The following GLB1 variants were observed in gnomAD, a reference collection of about 807,000 sequenced individuals.
GLB1 encodes the protein beta-galactosidase.
In GLB1, 56 loss-of-function variants were observed where a neutral mutation model predicts 74.0. The ratio of observed to expected loss-of-function variants is 0.76; its 90% CI spans 0.61 to 0.94. GLB1 has a LOEUF of 0.94. Among genes scored for constraint, GLB1 ranks in the 40% least tolerant of loss-of-function variants. GLB1 has a pLI of 0.00. For synonymous variants in GLB1, 323 were observed against 323.6 expected, an observed-to-expected ratio of 1.00 and a Z score of 0.02; for missense variants, 787 against 845.5, an observed-to-expected ratio of 0.93 and a Z score of 0.86.
intron 1 of GLB1, among the ~76,000 whole-genome samples, chr3:33,074,365 G>GAAAGAAAGAAAGAAAGAAAGA (rs1559412830): frequency 1.3e-3 from 13 of 10,058 alleles, no homozygotes; most frequent in African/African-American, 3.2e-3. Flanking sequence ...AGGAAGGAAG[G>GAAAGAAAGAAAGAAAGAAAGA]AAGGAAGGAA....
In GLB1 at chr3:33,014,213, C is replaced by A. The variant is rs147332381; in HGVS notation, c.1577G>T (p.Gly526Val). 8 of 1,613,984 alleles carry A rather than the reference C, an allele frequency of 5.0e-6. No individual in the cohort carries two copies. Among genetic ancestry groups the A allele is most frequent in the Admixed American group, 3.3e-5 (2 of 60,016 alleles). Residue 526 changes from glycine to valine, a missense_variant, in exon 15 of 16, where the codon GGC (glycine) becomes GTC (valine). Transcript: ENST00000307363. ...GTGGCCACTGTCACGGTGTCCCCAGCCCCCCAGGTGGCTGCACACTGCATC... is the reference window on the plus strand; with the variant it reads ...GTGGCCACTGTCACGGTGTCCCCAGACCCCCAGGTGGCTGCACACTGCATC... ...TEDAVCSHLG[G>V]WGHRDSGHHD...
Position 33,002,946 on chromosome 3 carries a change from G to C in GLB1, c.1735-5602C>G, listed in dbSNP as rs79181883. ...CCTGGGAGAAAGAGAAGAAAAAGAG[G>C]AGAATTGAAAAGAAAAAAAGGTAAA... On this transcript the variant is annotated intron_variant, in intron 15 of 15. Transcript: ENST00000307363. 1.2e-4 allele frequency among the ~76,000 whole-genome samples: 18 copies of C among 152,172 alleles called. No homozygotes were observed. In the East Asian group the frequency reaches 2.9e-3, roughly 24 times the overall value.
chr3:33,087,954 A>G (rs1700592885), intron 1 of GLB1, among the ~76,000 whole-genome samples: 1 of 152,228 alleles, frequency 6.6e-6, no homozygotes, highest in Non-Finnish European at 1.5e-5. Flanking sequence ...ATGGTTTAAC[A>G]TATAAAAATC....
chr3:33,089,635 T>C (rs1189586838), intron 1 of GLB1, among the ~76,000 whole-genome samples: 5 of 152,008 alleles, frequency 3.3e-5, no homozygotes, highest in Admixed American at 1.3e-4. Flanking sequence ...TTATACTAAC[T>C]GAAATAAGCC....
the GLB1 span, among the ~76,000 whole-genome samples, chr3:32,970,376 G>A: frequency 1.4e-4 from 22 of 152,056 alleles, no homozygotes; most frequent in Admixed American, 7.2e-4. Context: ...TTGTTCAGCC[G>A]GCCACCCCCC....
intron 1 of GLB1, among the ~76,000 whole-genome samples, chr3:33,089,620 G>A (rs932470231): frequency 1.5e-4 from 23 of 152,052 alleles, no homozygotes; most frequent in Non-Finnish European, 2.8e-4. Flanking sequence ...ACAACCTTAA[G>A]GTCATTATAC....
At chr3:33,024,650 A>T (rs535734635) in intron 10 of GLB1, among the ~76,000 whole-genome samples, 1 of 152,366 alleles carries the variant, frequency 6.6e-6, no homozygotes, top group Non-Finnish European at 1.5e-5. Flanking sequence ...GGAAACAGGT[A>T]CGTGACAGAC....
intron 1 of GLB1, chr3:33,077,314 T>A: frequency 6.4e-7 from 1 of 1,565,142 alleles, no homozygotes; most frequent in East Asian, 2.3e-5. Flanking sequence ...TTAAGAGGCA[T>A]ACACCACTTA....
chr3:33,087,577 GCGCACACACA>G (rs1700562109), intron 1 of GLB1, among the ~76,000 whole-genome samples: 2 of 39,796 alleles, frequency 5.0e-5, no homozygotes, highest in African/African-American at 1.8e-4. Flanking sequence ...CTCAGCATGC[GCGCACACACA>G]CACACACACA....
rs1372758586 is a variant in GLB1 at position 33,070,088 on chromosome 3, GATA to G, written c.246-1121_246-1119del. Among the ~76,000 whole-genome samples, 5 of 152,264 alleles carry G rather than the reference GATA, an allele frequency of 3.3e-5. No individual in the cohort carries two copies. In the East Asian group the frequency reaches 9.6e-4, roughly 29 times the overall value. On this transcript the variant is annotated intron_variant, in intron 2 of 15. Transcript: ENST00000307363. ...GTTTTCTGTCCCTGTGTTTGCTCAG[GATA>G]ATAGCCTCCAGCTGCATCCAGTTTG...
At chr3:32,970,795 G>T in the GLB1 span, among the ~76,000 whole-genome samples, 1 of 152,208 alleles carries the variant, frequency 6.6e-6, no homozygotes, top group African/African-American at 2.4e-5. Flanking sequence ...AAGGACAACT[G>T]CCCTGCTCTG....
the GLB1 span, among the ~76,000 whole-genome samples, chr3:32,981,669 G>C: frequency 2.0e-5 from 3 of 151,690 alleles, no homozygotes; most frequent in African/African-American, 7.3e-5. Flanking sequence ...AGCTACTCGG[G>C]AAGCTGAGGC....
the GLB1 span, among the ~76,000 whole-genome samples, chr3:32,980,372 T>A: frequency 6.6e-6 from 1 of 152,264 alleles, no homozygotes; most frequent in Admixed American, 6.5e-5. Context: ...CTTGAAGATG[T>A]TTTGCTCATT....
At chr3:32,979,651 G>C in the GLB1 span, among the ~76,000 whole-genome samples, 1 of 151,716 alleles carries the variant, frequency 6.6e-6, no homozygotes, top group Non-Finnish European at 1.5e-5. Context: ...ATAAGACTTT[G>C]AGACCAGCCT....
chr3:33,068,218 G>GT lies in GLB1; in HGVS notation c.457+11dup, dbSNP rs765641774. On this transcript the variant is annotated intron_variant, in intron 4 of 15. Coordinates refer to ENST00000307363, the MANE Select transcript of GLB1 (RefSeq NM_000404.4). ...TTTTATAAATCTTCTCAAGACATCT[G>GT]TAACAACCTACCTGGGTCGGAGGAG... 4.3e-6 allele frequency: 7 copies of GT among 1,613,926 alleles called. No homozygotes were observed. Among genetic ancestry groups the GT allele is most frequent in the Admixed American group, 3.3e-5 (2 of 59,986 alleles).
intron 10 of GLB1, among the ~76,000 whole-genome samples, chr3:33,027,251 G>A (rs1477912597): frequency 1.3e-5 from 2 of 152,270 alleles, no homozygotes; most frequent in Non-Finnish European, 2.9e-5. Flanking sequence ...TGGCGCCTGT[G>A]CGGGCAACCT....
intron 10 of GLB1, among the ~76,000 whole-genome samples, chr3:33,025,362 C>G (rs1195250188): frequency 1.3e-5 from 2 of 152,360 alleles, no homozygotes; most frequent in East Asian, 3.9e-4. Flanking sequence ...TATACACATG[C>G]ACACACATAT....
chr3:33,087,347 A>G (rs1436876693), intron 1 of GLB1, among the ~76,000 whole-genome samples: 5 of 152,164 alleles, frequency 3.3e-5, no homozygotes, highest in African/African-American at 1.2e-4. Context: ...AAGCGGCCAG[A>G]TCACTTGAGG....
chr3:33,085,771 T>C (rs1700483453), intron 1 of GLB1, among the ~76,000 whole-genome samples: 1 of 151,988 alleles, frequency 6.6e-6, no homozygotes, highest in South Asian at 2.1e-4. Flanking sequence ...GTGCAGTGGT[T>C]CACACCTGTA....
Sources: allele counts gnomAD v4.1 joint callset (sites outside exome capture counted in the v4.1 genomes callset), GRCh38; gene constraint gnomAD v4.1.1; transcripts MANE v1.5; gene names NCBI Gene and HGNC (gene_info 2026-07-23, HGNC 2026-07-21).